RUFY3: variants seen among roughly 807,000 people sequenced by gnomAD.
The protein encoded by RUFY3 is protein RUFY3.
In RUFY3, 34 loss-of-function variants were observed where a neutral mutation model predicts 84.0. The ratio of observed to expected loss-of-function variants is 0.40; its 90% CI spans 0.31 to 0.54. The LOEUF is 0.54. Among genes scored for constraint, RUFY3 ranks in the 20% least tolerant of loss-of-function variants. RUFY3 has a pLI of 0.39. For synonymous variants in RUFY3, 242 were observed against 252.9 expected (o/e 0.96, Z 0.41); for missense variants, 507 against 736.8 (o/e 0.69, Z 3.61).
intron 1 of RUFY3, among the ~76,000 whole-genome samples, chr4:70,754,812 T>C (rs1460305263): frequency 6.6e-6 from 1 of 152,180 alleles, no homozygotes; most frequent in African/African-American, 2.4e-5. Context: ...TTTAAAATTA[T>C]TGTTCTTCAG....
intron 1 of RUFY3, among the ~76,000 whole-genome samples, chr4:70,708,761 TGA>T (rs1376389757): frequency 6.6e-6 from 1 of 152,132 alleles, no homozygotes; most frequent in Non-Finnish European, 1.5e-5. Context: ...CAAAAATGTG[TGA>T]GACTGGAACG....
chr4:70,791,244 C>T, intron 12 of RUFY3: 1 of 1,613,100 alleles, frequency 6.2e-7, no homozygotes, highest in Non-Finnish European at 8.5e-7. Flanking sequence ...TTTGGTGAAA[C>T]AGGCAAAGAC....
intron 2 of RUFY3, among the ~76,000 whole-genome samples, chr4:70,763,089 G>C (rs1725302175): frequency 6.6e-6 from 1 of 152,098 alleles, no homozygotes. Context: ...AAGCTTTTGA[G>C]GGCAGTAACT....
chr4:70,786,620 A>C (rs568402813), intron 10 of RUFY3, among the ~76,000 whole-genome samples: 106 of 152,272 alleles, frequency 7.0e-4, no homozygotes, highest in African/African-American at 2.6e-3. Flanking sequence ...TTTGGTCATT[A>C]CACAATTTTT....
upstream of RUFY3, among the ~76,000 whole-genome samples, chr4:70,718,537 C>T (rs144914522): frequency 3.3e-5 from 5 of 152,232 alleles, no homozygotes; most frequent in East Asian, 9.6e-4. Context: ...CAAATAGGTG[C>T]CATTACTCAC....
chr4:70,704,830 C>A, exon 1 of RUFY3: 1 of 720,362 alleles, frequency 1.4e-6, no homozygotes, highest in Non-Finnish European at 1.9e-6. Context: ...GCGGTGGCGG[C>A]GGCGGCGCAG....
At chr4:70,734,209 C>G (rs993482093) in intron 1 of RUFY3, 9 of 174,642 alleles carry the variant, frequency 5.2e-5, no homozygotes, top group Non-Finnish European at 1.0e-4. Context: ...CCCACAGTGT[C>G]TAGATTTAGA....
chr4:70,744,920 G>C (rs1721951295), intron 1 of RUFY3, among the ~76,000 whole-genome samples: 1 of 151,552 alleles, frequency 6.6e-6, no homozygotes, highest in Admixed American at 6.6e-5. Flanking sequence ...CTCCCAAAGT[G>C]CTGGGATTAC....
At chr4:70,792,142 G>A (rs1447228343) in intron 12 of RUFY3, 3 of 984,666 alleles carry the variant, frequency 3.0e-6, no homozygotes. Flanking sequence ...AAAAAATGAT[G>A]CAGTACCCAT....
chr4:70,726,256 T>C (rs1057289761), intron 1 of RUFY3, among the ~76,000 whole-genome samples: 1 of 152,130 alleles, frequency 6.6e-6, no homozygotes, highest in Admixed American at 6.6e-5. Context: ...CTCCAACTTC[T>C]GGCTGCAGAA....
intron 1 of RUFY3, among the ~76,000 whole-genome samples, chr4:70,716,406 G>A (rs1239397268): frequency 2.0e-5 from 3 of 151,490 alleles, no homozygotes; most frequent in Admixed American, 6.6e-5. Context: ...TCAGCCTCCC[G>A]AAGTGCTGGG....
intron 1 of RUFY3, among the ~76,000 whole-genome samples, chr4:70,733,110 GA>G (rs1560463573): frequency 0.026 from 2,449 of 92,602 alleles, 57 homozygotes; most frequent in African/African-American, 0.052. Context: ...GAGAGAGAGA[GA>G]GAGAGAGAGG....
chr4:70,792,514 T>A, intron 12 of RUFY3: 1 of 985,344 alleles, frequency 1.0e-6, no homozygotes, highest in South Asian at 4.7e-5. Flanking sequence ...TTTGATTTTT[T>A]AAGATGATTT....
rs2148737640 is a variant in RUFY3, at chr4:70,773,533, T to C, written c.719T>C (p.Met240Thr). The change falls in exon 6 of 18, where the codon ATG (methionine) becomes ACG (threonine). Residue 240 changes from methionine (M) to threonine (T), a missense_variant. Physicochemically the swap from Met to Thr is moderately conservative, Grantham distance 81. Coordinates refer to ENST00000381006, the MANE Select transcript of RUFY3 (RefSeq NM_001037442.4). ...TAGGTTGGAGTTATAGATTTTTCAA[T>C]GTATCTCAAGGACGGGAACAGCAGT... The part of the protein sequence containing the change: ...DSQVGVIDFS[M>T]YLKDGNSSKG... 1 of 1,611,604 alleles carries C rather than the reference T, an allele frequency of 6.2e-7. No homozygotes were observed. Among genetic ancestry groups the C allele is most frequent in the Non-Finnish European group, 8.5e-7 (1 of 1,177,860 alleles).
intron 17 of RUFY3, 106 bp from the exon 18 acceptor site, chr4:70,806,410 T>G: frequency 8.0e-7 from 1 of 1,254,336 alleles, no homozygotes; most frequent in Non-Finnish European, 1.1e-6. Flanking sequence ...CATTCAGTCA[T>G]TGTTTGATTA....
intron 12 of RUFY3, chr4:70,790,226 T>A (rs1039614536): frequency 1.3e-5 from 2 of 152,258 alleles, no homozygotes; most frequent in African/African-American, 2.4e-5. Flanking sequence ...AAAGCACATC[T>A]TCTTCCTATG....
intron 1 of RUFY3, among the ~76,000 whole-genome samples, chr4:70,729,229 G>A (rs1282476173): frequency 3.3e-5 from 5 of 152,064 alleles, no homozygotes; most frequent in East Asian, 1.9e-4. Flanking sequence ...GTCATGTGAC[G>A]TTGCACAAGT....
At chr4:70,783,247 G>T in intron 9 of RUFY3, 64 bp downstream of exon 9, 1 of 1,044,228 alleles carries the variant, frequency 9.6e-7, no homozygotes, top group South Asian at 1.3e-5. Context: ...TGGTAAAGGG[G>T]AGTCTCTAAA....
intron 1 of RUFY3, among the ~76,000 whole-genome samples, chr4:70,706,686 G>A (rs899286605): frequency 3.3e-5 from 5 of 152,196 alleles, no homozygotes; most frequent in African/African-American, 9.7e-5. Context: ...TACTTACTGA[G>A]TAATAAGTCA....
Sources: gnomAD v4.1 joint callset for allele counts (sites outside exome capture counted in the v4.1 genomes callset) on GRCh38, gnomAD v4.1.1 for gene constraint, MANE v1.5 for transcripts, NCBI Gene and HGNC (gene_info 2026-07-23, HGNC 2026-07-21) for gene names.